The following C2orf42 variants were observed in gnomAD, a reference collection of about 807,000 sequenced individuals.
The protein encoded by C2orf42 is chromosome 2 open reading frame 42.
Under a neutral mutation model 58.9 loss-of-function variants are expected in C2orf42, and 44 were observed. The observed-to-expected ratio is 0.75, with a 90% CI of 0.59 to 0.96. The LOEUF is 0.96. Among genes scored for constraint, C2orf42 ranks in the 40% least tolerant of loss-of-function variants. The probability of loss-of-function intolerance (pLI) is 0.00; values close to 1 mark genes in which losing one functional copy is unlikely to be tolerated. For synonymous variants in C2orf42, 239 were observed against 265.4 expected (o/e 0.90, Z 0.97); for missense variants, 630 against 699.2 (o/e 0.90, Z 1.12).
chr2:70,158,642 G>A (rs1672854292), intron 9 of C2orf42, among the ~76,000 whole-genome samples: 1 of 152,056 alleles, frequency 6.6e-6, no homozygotes, highest in Non-Finnish European at 1.5e-5. Flanking sequence ...TAGAGATGGG[G>A]TTTCACCATG....
At chr2:70,152,805 C>T (rs941468635) in intron 9 of C2orf42, among the ~76,000 whole-genome samples, 1 of 152,024 alleles carries the variant, frequency 6.6e-6, no homozygotes, top group African/African-American at 2.4e-5. Flanking sequence ...GAGGCCAAGC[C>T]GGGCAGATCA....
At chr2:70,156,650 A>G (rs1348735193) in intron 9 of C2orf42, among the ~76,000 whole-genome samples, 1 of 152,130 alleles carries the variant, frequency 6.6e-6, no homozygotes. Context: ...GCTTGAACCC[A>G]GGAGTTCAAG....
chr2:70,189,765 G>A (rs1290565020), intron 1 of C2orf42, among the ~76,000 whole-genome samples: 6 of 149,870 alleles, frequency 4.0e-5, no homozygotes, highest in Non-Finnish European at 5.9e-5. Flanking sequence ...GGTGGCTCAC[G>A]CCTGTAATCC....
chr2:70,187,999 G>A (rs1675068513), intron 1 of C2orf42, among the ~76,000 whole-genome samples: 1 of 151,826 alleles, frequency 6.6e-6, no homozygotes, highest in African/African-American at 2.4e-5. Flanking sequence ...CTGCATTTTG[G>A]CTTTTATAGG....
intron 1 of C2orf42, chr2:70,190,238 G>T (rs961343628): frequency 6.6e-6 from 1 of 152,332 alleles, no homozygotes; most frequent in South Asian, 2.1e-4. Context: ...CAGCCTCCTC[G>T]GCGGGAGAGT....
chr2:70,153,662 A>C (rs1019021806), intron 9 of C2orf42, among the ~76,000 whole-genome samples: 10 of 132,270 alleles, frequency 7.6e-5, no homozygotes, highest in Non-Finnish European at 1.1e-4. Context: ...AAGTAAAGAA[A>C]AGAACAGGAA....
Position 70,181,810 on chromosome 2 carries a change from G to A in C2orf42, c.176C>T (p.Pro59Leu), listed in dbSNP as rs780554940. ...AATGATTTTGACAGCTTCAACACTAGGCTGCTTGCGTGCACCGTAGCGGAA... is the reference window on the plus strand; with the variant it reads ...AATGATTTTGACAGCTTCAACACTAAGCTGCTTGCGTGCACCGTAGCGGAA... Reference protein sequence around the residue: ...TIFRYGARKQPSVEAVKIITG... With the variant: ...TIFRYGARKQLSVEAVKIITG... The change falls in exon 3 of 10, where the codon CCT (proline) becomes CTT (leucine). Residue 59 changes from proline to leucine, a missense_variant. Coordinates refer to ENST00000264434, the MANE Select transcript of C2orf42 (RefSeq NM_017880.3). The A allele has an allele frequency of 3.1e-6, 5 of 1,614,082 alleles. No homozygotes were observed. The highest frequency in any genetic ancestry group is 1.7e-5 in the Admixed American group (1 of 60,002).
intron 9 of C2orf42, among the ~76,000 whole-genome samples, chr2:70,152,168 G>C (rs1672353512): frequency 6.6e-6 from 1 of 151,952 alleles, no homozygotes; most frequent in Non-Finnish European, 1.5e-5. Flanking sequence ...ACTTCTTTTG[G>C]TCCTTTCTCA....
chr2:70,165,015 G>C, intron 8 of C2orf42, 77 bp downstream of exon 8: 2 of 680,998 alleles, frequency 2.9e-6, no homozygotes, highest in South Asian at 4.4e-5. Flanking sequence ...CAAGGAACCA[G>C]TGCAAATATA....
At chr2:70,162,321 C>A (rs1673102972) in intron 8 of C2orf42, among the ~76,000 whole-genome samples, 1 of 138,150 alleles carries the variant, frequency 7.2e-6, no homozygotes, top group African/African-American at 3.0e-5. Flanking sequence ...CTTTTGCTTT[C>A]TTTCTTTCTT....
intron 1 of C2orf42, among the ~76,000 whole-genome samples, chr2:70,189,472 C>G (rs890867563): frequency 6.1e-5 from 9 of 146,756 alleles, no homozygotes; most frequent in Non-Finnish European, 1.3e-4. Flanking sequence ...AATCCCAGCA[C>G]TTTGGGAGGC....
chr2:70,188,609 T>C (rs1056385768), intron 1 of C2orf42, among the ~76,000 whole-genome samples: 4 of 152,192 alleles, frequency 2.6e-5, no homozygotes, highest in Non-Finnish European at 4.4e-5. Context: ...TAACATCATA[T>C]ATAAACATGG....
chr2:70,157,542 A>ATTGGCC (rs1183953442), intron 9 of C2orf42, among the ~76,000 whole-genome samples: 3 of 152,222 alleles, frequency 2.0e-5, no homozygotes, highest in African/African-American at 7.2e-5. Flanking sequence ...CACGCCTGTA[A>ATTGGCC]TCCCAGAACT....
chr2:70,179,702 C>A (rs1485388688), intron 3 of C2orf42, 60 bp from the exon 4 acceptor site: 3 of 631,998 alleles, frequency 4.7e-6, no homozygotes, highest in South Asian at 2.3e-5. Flanking sequence ...TAAGTATAGG[C>A]CTCTATGTAG....
Position 70,165,195 on chromosome 2 carries a change from T to C in C2orf42, c.1253-3A>G. On this transcript the variant is annotated splice_region_variant and splice_polypyrimidine_tract_variant and intron_variant, in intron 7 of 9. Transcript: ENST00000264434. ...CAAGGCATCTTTCCGAACAAAAGCT[T>C]CAACGTGAAAAAAGGACAAAATTAG... 1 of 1,574,648 alleles carries C rather than the reference T, an allele frequency of 6.4e-7. No individual in the cohort carries two copies. Among genetic ancestry groups the C allele is most frequent in the Non-Finnish European group, 8.7e-7 (1 of 1,152,980 alleles).
At chr2:70,154,746 T>TTTTGC (rs763414302) in intron 9 of C2orf42, among the ~76,000 whole-genome samples, 144 of 148,040 alleles carry the variant, frequency 9.7e-4, no homozygotes, top group South Asian at 1.7e-3. Flanking sequence ...AATCAAAGTT[T>TTTTGC]TTTGTTTTGT....
Position 70,150,399 on chromosome 2 carries a change from T to C in C2orf42, c.1682A>G (p.Gln561Arg). The change falls in exon 10 of 10, where the codon CAG (glutamine) becomes CGG (arginine). Residue 561 changes from glutamine (Q) to arginine (R), a missense_variant. Transcript: ENST00000264434. ...EYQDQRPPLD[Q>R]PLELAPLTTI... ...GGTCAGAGGGGCCAGTTCCAAGGGC[T>C]GGTCCAAGGGGGGCCGCTGGTCTTG... is the stretch of plus-strand genomic sequence containing the variant. 2 of 1,614,166 alleles carry C rather than the reference T, an allele frequency of 1.2e-6. No homozygotes were observed. Among genetic ancestry groups the C allele is most frequent in the Non-Finnish European group, 1.7e-6 (2 of 1,180,026 alleles).
At chr2:70,169,247 C>CCACACACACACA (rs35414580) in intron 6 of C2orf42, among the ~76,000 whole-genome samples, 17 of 141,044 alleles carry the variant, frequency 1.2e-4, no homozygotes, top group Admixed American at 1.2e-3. Flanking sequence ...ATCTCCCTCA[C>CCACACACACACA]CACACACACA....
At chr2:70,169,135 G>T (rs919335967) in intron 6 of C2orf42, among the ~76,000 whole-genome samples, 39 of 151,760 alleles carry the variant, frequency 2.6e-4, no homozygotes, top group African/African-American at 9.4e-4. Context: ...ACTATTTTTT[G>T]TAGAGATGGG....
Sources: gnomAD v4.1 joint callset for allele counts (sites outside exome capture counted in the v4.1 genomes callset) on GRCh38, gnomAD v4.1.1 for gene constraint, MANE v1.5 for transcripts, NCBI Gene and HGNC (gene_info 2026-07-23, HGNC 2026-07-21) for gene names.